LRRTM4: variants seen among roughly 807,000 people sequenced by gnomAD.
LRRTM4 encodes leucine-rich repeat transmembrane neuronal protein 4.
Under a neutral mutation model 47.6 loss-of-function variants are expected in LRRTM4, and 25 were observed. The ratio of observed to expected loss-of-function variants is 0.53; its 90% confidence interval spans 0.38 to 0.73. The LOEUF (loss-of-function observed/expected upper bound fraction) is 0.73, where lower values mean the gene tolerates loss of function less well. Among genes scored for constraint, LRRTM4 ranks in the 30% least tolerant of loss-of-function variants. The probability of loss-of-function intolerance (pLI) is 0.00; values close to 1 mark genes in which losing one functional copy is unlikely to be tolerated. For missense variants in LRRTM4, 638 were observed against 713.4 expected (o/e 0.89, Z 1.20); for synonymous variants, 311 against 269.5 (o/e 1.15, Z -1.51).
chr2:77,065,533 A>G (rs1205465931), intron 3 of LRRTM4, among the ~76,000 whole-genome samples: 2 of 152,166 alleles, frequency 1.3e-5, no homozygotes, highest in Admixed American at 1.3e-4. Context: ...TATTACTACT[A>G]TATGCTACTA....
chr2:76,881,505 A>G (rs1672928739), intron 3 of LRRTM4, among the ~76,000 whole-genome samples: 1 of 149,604 alleles, frequency 6.7e-6, no homozygotes. Context: ...TGTTCTTGCA[A>G]TCTCTTGTGC....
At chr2:76,826,889 G>T (rs1309626548) in intron 3 of LRRTM4, among the ~76,000 whole-genome samples, 1 of 151,880 alleles carries the variant, frequency 6.6e-6, no homozygotes, top group Non-Finnish European at 1.5e-5. Context: ...CATTTGTGGA[G>T]GGAAACTCAT....
At chr2:76,995,504 GAAGTTTCTAGATC>G (rs6146815) in intron 3 of LRRTM4, among the ~76,000 whole-genome samples, 76,375 of 151,664 alleles carry the variant, frequency 0.5, 19,919 homozygotes, top group African/African-American at 0.63. Flanking sequence ...ATAATTCCAT[GAAGTTTCTAGATC>G]AAATTCTGGG....
intron 3 of LRRTM4, among the ~76,000 whole-genome samples, chr2:77,513,845 C>A (rs1007668992): frequency 1.3e-5 from 2 of 152,032 alleles, no homozygotes; most frequent in Non-Finnish European, 2.9e-5. Flanking sequence ...GGATTACAGG[C>A]ATGAGCCACT....
At chr2:77,316,335 G>C (rs1677617155) in intron 3 of LRRTM4, among the ~76,000 whole-genome samples, 1 of 152,018 alleles carries the variant, frequency 6.6e-6, no homozygotes, top group South Asian at 2.1e-4. Context: ...GATTAAATAG[G>C]CAATTATGAA....
At chr2:77,317,803 T>G (rs1677659994) in intron 3 of LRRTM4, among the ~76,000 whole-genome samples, 1 of 152,054 alleles carries the variant, frequency 6.6e-6, no homozygotes, top group Admixed American at 6.6e-5. Flanking sequence ...AACCTACCAC[T>G]GACTGAATAT....
chr2:77,087,580 A>G (rs1680763506), intron 3 of LRRTM4, among the ~76,000 whole-genome samples: 1 of 152,252 alleles, frequency 6.6e-6, no homozygotes, highest in Non-Finnish European at 1.5e-5. Context: ...TGAGCTCACC[A>G]CTTAAAGTTA....
intron 3 of LRRTM4, among the ~76,000 whole-genome samples, chr2:77,122,100 G>GA (rs1671535042): frequency 1.3e-5 from 2 of 151,538 alleles, no homozygotes; most frequent in South Asian, 4.1e-4. Context: ...TTAAATATTA[G>GA]AAAACTTCTT....
intron 3 of LRRTM4, among the ~76,000 whole-genome samples, chr2:76,856,270 T>C (rs1672147210): frequency 2.6e-5 from 4 of 152,058 alleles, no homozygotes; most frequent in Admixed American, 6.6e-5. Flanking sequence ...GAGTGAGACT[T>C]CGTCTCAGAA....
intron 3 of LRRTM4, among the ~76,000 whole-genome samples, chr2:77,515,415 G>A (rs560460080): frequency 6.6e-6 from 1 of 151,762 alleles, no homozygotes; most frequent in South Asian, 2.1e-4. Flanking sequence ...AAAGAAACAA[G>A]CAAAATGGAT....
intron 3 of LRRTM4, among the ~76,000 whole-genome samples, chr2:77,031,546 G>A (rs1168459489): frequency 6.6e-6 from 1 of 152,030 alleles, no homozygotes; most frequent in Non-Finnish European, 1.5e-5. Context: ...GTAGATGATG[G>A]GTTACTCGGG....
chr2:77,111,103 TTTTTG>T (rs562783182), intron 3 of LRRTM4, among the ~76,000 whole-genome samples: 2 of 151,832 alleles, frequency 1.3e-5, no homozygotes, highest in Admixed American at 1.3e-4. Context: ...AATTCCCTGT[TTTTTG>T]TTTTGTTTTG....
At chr2:77,446,510 A>G (rs907719502) in intron 3 of LRRTM4, among the ~76,000 whole-genome samples, 3 of 152,118 alleles carry the variant, frequency 2.0e-5, no homozygotes, top group Non-Finnish European at 4.4e-5. Context: ...TAAAAAATAG[A>G]TTATTCTTAC....
At chr2:77,265,215 T>C (rs1288276227) in intron 3 of LRRTM4, among the ~76,000 whole-genome samples, 1 of 152,142 alleles carries the variant, frequency 6.6e-6, no homozygotes, top group African/African-American at 2.4e-5. Context: ...CTACTTTATT[T>C]ATCATATTTG....
intron 3 of LRRTM4, among the ~76,000 whole-genome samples, chr2:76,849,283 C>T (rs1239496319): frequency 6.6e-6 from 1 of 152,004 alleles, no homozygotes; most frequent in African/African-American, 2.4e-5. Context: ...TGTTTTTGTG[C>T]TCAAGAAATT....
At chr2:77,114,411 G>A (rs1207683601) in intron 3 of LRRTM4, among the ~76,000 whole-genome samples, 1 of 152,118 alleles carries the variant, frequency 6.6e-6, no homozygotes, top group Non-Finnish European at 1.5e-5. Flanking sequence ...TGAGCATGAT[G>A]TTTAGACTCC....
At chr2:76,753,339 C>T (rs899207961) in intron 3 of LRRTM4, among the ~76,000 whole-genome samples, 1 of 152,128 alleles carries the variant, frequency 6.6e-6, no homozygotes, top group Non-Finnish European at 1.5e-5. Flanking sequence ...TCTGGTTTTA[C>T]TCAACACTGA....
chr2:76,811,653 T>C (rs1041968098), intron 3 of LRRTM4, among the ~76,000 whole-genome samples: 4 of 152,076 alleles, frequency 2.6e-5, no homozygotes, highest in African/African-American at 7.2e-5. Flanking sequence ...CATAAGAGAG[T>C]TGTAAACACC....
intron 3 of LRRTM4, among the ~76,000 whole-genome samples, chr2:76,909,057 C>G (rs2103772299): frequency 6.6e-6 from 1 of 152,068 alleles, no homozygotes; most frequent in South Asian, 2.1e-4. Context: ...GCCAAAAGAA[C>G]AAAGCTGGAG....
Sources: gnomAD v4.1 joint callset for allele counts (sites outside exome capture counted in the v4.1 genomes callset) on GRCh38, gnomAD v4.1.1 for gene constraint, MANE v1.5 for transcripts, NCBI Gene and HGNC (gene_info 2026-07-23, HGNC 2026-07-21) for gene names.